Variants in HNRNPC observed in about 807,000 individuals in gnomAD.
HNRNPC encodes heterogeneous nuclear ribonucleoprotein C, also known as heterogeneous nuclear ribonucleoproteins C1/C2.
HNRNPC carries 3 observed loss-of-function variants against 33.2 expected under a neutral mutation model. The ratio of observed to expected loss-of-function variants is 0.09; its 90% CI spans 0.04 to 0.23. The LOEUF (loss-of-function observed/expected upper bound fraction) is 0.23. Among genes scored for constraint, HNRNPC ranks in the 10% least tolerant of loss-of-function variants. The pLI is 1.00. For missense variants in HNRNPC, 143 were observed against 366.7 expected, an observed-to-expected ratio of 0.39 and a Z score of 4.98; for synonymous variants, 121 against 126.7, an observed-to-expected ratio of 0.96 and a Z score of 0.30.
At chr14:21,225,599 G>A (rs958145527) in intron 5 of HNRNPC, among the ~76,000 whole-genome samples, 8 of 152,094 alleles carry the variant, frequency 5.3e-5, no homozygotes, top group Admixed American at 2.6e-4. Flanking sequence ...GAGGCTGGTA[G>A]CACCAGACGG....
intron 2 of HNRNPC, among the ~76,000 whole-genome samples, chr14:21,262,138 T>C (rs1332344562): frequency 6.6e-6 from 1 of 152,198 alleles, no homozygotes; most frequent in Non-Finnish European, 1.5e-5. Flanking sequence ...AGCCCTCCAG[T>C]GAGACAGCAT....
intron 2 of HNRNPC, among the ~76,000 whole-genome samples, chr14:21,260,100 T>TGAGGCAGGAGAATGGCGTGAACCTGG (rs1253070763): frequency 6.9e-6 from 1 of 144,004 alleles, no homozygotes; most frequent in Non-Finnish European, 1.5e-5. Context: ...CTTGGGAGGC[T>TGAGGCAGGAGAATGGCGTGAACCTGG]GAGGCAGGAG....
chr14:21,231,143 T>A, intron 3 of HNRNPC, 71 bp from the exon 4 acceptor site: 2 of 1,475,332 alleles, frequency 1.4e-6, no homozygotes, highest in Middle Eastern at 1.9e-4. Flanking sequence ...AGTTTATTTT[T>A]TTTATTTTTG....
Position 21,210,032 on chromosome 14 carries a change from T to C in HNRNPC, c.*1191A>G, listed in dbSNP as rs1323677043. 3.3e-5 allele frequency: 5 copies of C among 152,246 alleles called. No homozygotes were observed. Among genetic ancestry groups the C allele is most frequent in the African/African-American group, 9.6e-5 (4 of 41,458 alleles). The allele number at this position is 152,246 out of a possible 1,614,324, so 9.4% of individuals were successfully genotyped here. A position where few individuals can be genotyped will look rare whatever the true frequency, so the allele number is the denominator to read the frequency against. ...CTCAATCACCTGGGAAGGCAGTCTA[T>C]GGAATATCAGGAAGTAAGAGTTTTC... On this transcript the variant is annotated 3_prime_UTR_variant, in exon 9 of 9. Transcript: ENST00000553300.
intron 5 of HNRNPC, among the ~76,000 whole-genome samples, chr14:21,227,839 C>G (rs1051948041): frequency 4.6e-5 from 7 of 152,310 alleles, no homozygotes; most frequent in Admixed American, 3.9e-4. Flanking sequence ...AAAACATCAA[C>G]TAAGAGTCCA....
intron 5 of HNRNPC, among the ~76,000 whole-genome samples, chr14:21,222,700 G>A (rs1892968853): frequency 6.6e-6 from 1 of 151,968 alleles, no homozygotes; most frequent in South Asian, 2.1e-4. Context: ...AGACCATCCT[G>A]GCAAATACGG....
intron 3 of HNRNPC, among the ~76,000 whole-genome samples, chr14:21,231,992 T>C (rs1016402625): frequency 2.6e-5 from 4 of 152,238 alleles, no homozygotes; most frequent in African/African-American, 9.6e-5. Context: ...TTAGCTGTTC[T>C]ACACGTAAAA....
At chr14:21,256,958 T>G (rs1428497833) in intron 2 of HNRNPC, among the ~76,000 whole-genome samples, 4 of 152,086 alleles carry the variant, frequency 2.6e-5, no homozygotes, top group African/African-American at 7.2e-5. Flanking sequence ...CTGGCCAACA[T>G]GATTTTCTAA....
chr14:21,234,749 T>C (rs1219056377), intron 2 of HNRNPC: 1 of 153,252 alleles, frequency 6.5e-6, no homozygotes, highest in Non-Finnish European at 1.5e-5. Flanking sequence ...GCTAGATTAA[T>C]ATGGATAGCT....
intron 2 of HNRNPC, among the ~76,000 whole-genome samples, chr14:21,256,505 C>T (rs1262223965): frequency 6.6e-6 from 1 of 152,052 alleles, no homozygotes; most frequent in Admixed American, 6.6e-5. Context: ...CTAGCTATCA[C>T]TTTTAAGAAC....
intron 5 of HNRNPC, among the ~76,000 whole-genome samples, chr14:21,228,090 G>A (rs935773656): frequency 6.6e-6 from 1 of 152,192 alleles, no homozygotes; most frequent in Non-Finnish European, 1.5e-5. Context: ...AAGCTGGCAT[G>A]AGTATATTTT....
intron 1 of HNRNPC, chr14:21,264,340 C>T (rs1878640638): frequency 6.6e-6 from 1 of 152,140 alleles, no homozygotes; most frequent in Middle Eastern, 3.4e-3. Context: ...AACCACAAGA[C>T]CTAATAGGTT....
intron 2 of HNRNPC, among the ~76,000 whole-genome samples, chr14:21,245,673 C>T (rs766136387): frequency 6.6e-6 from 1 of 152,044 alleles, no homozygotes; most frequent in Non-Finnish European, 1.5e-5. Flanking sequence ...CTTAAGGCTA[C>T]AGTAAGTTTG....
intron 3 of HNRNPC, among the ~76,000 whole-genome samples, chr14:21,231,597 G>C (rs1277217536): frequency 6.6e-6 from 1 of 152,182 alleles, no homozygotes; most frequent in Non-Finnish European, 1.5e-5. Context: ...ATCAAGCTCA[G>C]CTTCATCTCT....
chr14:21,226,404 GCCTA>G (rs1206816279), intron 5 of HNRNPC, among the ~76,000 whole-genome samples: 4 of 151,366 alleles, frequency 2.6e-5, no homozygotes, highest in African/African-American at 9.7e-5. Context: ...GTATATGCCA[GCCTA>G]CCTAAGGACT....
At chr14:21,224,027 T>C (rs969510550) in intron 5 of HNRNPC, among the ~76,000 whole-genome samples, 2 of 152,168 alleles carry the variant, frequency 1.3e-5, no homozygotes, top group African/African-American at 2.4e-5. Flanking sequence ...CAATGCAGAA[T>C]GTCCCCAGTT....
At chr14:21,267,338 T>G (rs1308872941) in intron 1 of HNRNPC, among the ~76,000 whole-genome samples, 1 of 152,202 alleles carries the variant, frequency 6.6e-6, no homozygotes, top group Non-Finnish European at 1.5e-5. Flanking sequence ...TATTAAGATT[T>G]AATAATTTGC....
intron 1 of HNRNPC, among the ~76,000 whole-genome samples, chr14:21,268,227 G>C (rs1055349102): frequency 6.6e-6 from 1 of 152,104 alleles, no homozygotes; most frequent in South Asian, 2.1e-4. Context: ...CAAATAATAG[G>C]CACTGTTAAT....
intron 5 of HNRNPC, among the ~76,000 whole-genome samples, chr14:21,215,804 C>G (rs1298510167): frequency 6.7e-6 from 1 of 149,650 alleles, no homozygotes; most frequent in Admixed American, 6.7e-5. Flanking sequence ...AGGGCTGAGG[C>G]AGAAGAATTG....
Sources: gnomAD v4.1 joint callset for allele counts (sites outside exome capture counted in the v4.1 genomes callset) on GRCh38, gnomAD v4.1.1 for gene constraint, MANE v1.5 for transcripts, NCBI Gene and HGNC (gene_info 2026-07-23, HGNC 2026-07-21) for gene names.